Variants in TRIO observed in about 807,000 individuals in gnomAD.
TRIO encodes triple functional domain protein.
TRIO carries 58 observed loss-of-function variants against 351.9 expected under a neutral mutation model. The observed-to-expected ratio is 0.16, with a 90% CI of 0.13 to 0.21. TRIO has a LOEUF of 0.21. TRIO is among the 10% of genes least tolerant of loss of function. The pLI, the probability that TRIO is intolerant of heterozygous loss-of-function variation, is 1.00. For synonymous variants in TRIO, 1,758 were observed against 1,595.7 expected, an observed-to-expected ratio of 1.10 and a Z score of -2.42; for missense variants, 3,201 against 4,027.8, an observed-to-expected ratio of 0.79 and a Z score of 5.56.
intron 34 of TRIO, among the ~76,000 whole-genome samples, chr5:14,444,075 G>GAAC (rs1489994230): frequency 8.0e-6 from 1 of 125,360 alleles, no homozygotes; most frequent in Non-Finnish European, 1.6e-5. Flanking sequence ...GAATTCTCTT[G>GAAC]AAGTCTTTTT....
intron 33 of TRIO, among the ~76,000 whole-genome samples, chr5:14,411,725 C>T (rs1161967961): frequency 2.0e-5 from 3 of 151,816 alleles, no homozygotes; most frequent in Non-Finnish European, 1.5e-5. Flanking sequence ...CTTGCCTGGC[C>T]CCCCAGGTAG....
chr5:14,408,781 GTCAAGC>G (rs1315726727), intron 33 of TRIO, among the ~76,000 whole-genome samples: 5 of 151,996 alleles, frequency 3.3e-5, no homozygotes, highest in Admixed American at 6.6e-5. Flanking sequence ...TGAGATCACC[GTCAAGC>G]CCCAAATTCC....
intron 33 of TRIO, among the ~76,000 whole-genome samples, chr5:14,407,095 G>T (rs1289773222): frequency 6.6e-6 from 1 of 152,182 alleles, no homozygotes; most frequent in African/African-American, 2.4e-5. Flanking sequence ...TGGAAATAAA[G>T]AGTGTTGCTT....
chr5:14,485,833 A>C (rs1240052265), intron 47 of TRIO, among the ~76,000 whole-genome samples: 1 of 152,060 alleles, frequency 6.6e-6, no homozygotes, highest in Non-Finnish European at 1.5e-5. Flanking sequence ...TAAAAATACA[A>C]AAAAATTAGC....
intron 30 of TRIO, among the ~76,000 whole-genome samples, chr5:14,400,429 T>G (rs1747975629): frequency 6.6e-6 from 1 of 152,172 alleles, no homozygotes; most frequent in Non-Finnish European, 1.5e-5. Flanking sequence ...CTCTGCATGC[T>G]TCCATGTTCT....
At chr5:14,212,858 T>A (rs1242329845) in intron 1 of TRIO, among the ~76,000 whole-genome samples, 2 of 152,286 alleles carry the variant, frequency 1.3e-5, no homozygotes, top group East Asian at 3.9e-4. Flanking sequence ...ATAGTACTCA[T>A]ACTTGTTCAT....
intron 10 of TRIO, among the ~76,000 whole-genome samples, chr5:14,331,266 T>G (rs1486544938): frequency 1.3e-5 from 2 of 152,238 alleles, no homozygotes; most frequent in Non-Finnish European, 2.9e-5. Flanking sequence ...TTGCATTTCT[T>G]TAAATGTGTG....
chr5:14,500,099 G>C (rs1223424700), intron 53 of TRIO, among the ~76,000 whole-genome samples: 1 of 151,482 alleles, frequency 6.6e-6, no homozygotes, highest in Non-Finnish European at 1.5e-5. Context: ...ATGCAAATGG[G>C]AAAATAATCC....
Position 14,487,878 on chromosome 5 carries a change from G to A in TRIO, c.7250G>A (p.Ser2417Asn), listed in dbSNP as rs927883781. 5.2e-6 allele frequency: 8 copies of A among 1,540,296 alleles called. No homozygotes were observed. The East Asian group carries it at 7.5e-5, about 14-fold the overall frequency. Residue 2417 changes from serine (S) to asparagine (N), a missense_variant, in exon 48 of 57, where the codon AGC becomes AAC. Around this residue, in one of 19 missense-constraint regions of TRIO, gnomAD observed 1,089 missense variants for 954.9 expected, o/e 1.14. Coordinates refer to ENST00000344204, the MANE Select transcript of TRIO (RefSeq NM_007118.4). ...ATCCCCAAGATGAAGGTGCTGGAGA[G>A]CCCCAGGAAAGGCGCCGCGAACGCC... ...EPIPKMKVLE[S>N]PRKGAANASG...
chr5:14,306,056 A>G (rs533095935), intron 8 of TRIO, among the ~76,000 whole-genome samples: 1 of 152,086 alleles, frequency 6.6e-6, no homozygotes, highest in East Asian at 1.9e-4. Flanking sequence ...ATGTTCACAC[A>G]AGGACGAAAT....
chr5:14,481,765 TA>T, intron 45 of TRIO, 147 bp downstream of exon 45: 7 of 679,394 alleles, frequency 1.0e-5, no homozygotes, highest in Admixed American at 3.6e-5. Context: ...ATTGATATTT[TA>T]TTTCCTTTTT....
chr5:14,469,528 C>G (rs546112979), intron 37 of TRIO, among the ~76,000 whole-genome samples: 1 of 152,222 alleles, frequency 6.6e-6, no homozygotes, highest in Non-Finnish European at 1.5e-5. Context: ...AAAAAACAAC[C>G]AAACCCAGAG....
intron 8 of TRIO, among the ~76,000 whole-genome samples, chr5:14,311,559 C>T (rs1054572620): frequency 1.5e-4 from 23 of 152,222 alleles, no homozygotes; most frequent in African/African-American, 5.3e-4. Context: ...ATTGGAACCT[C>T]CTTACTCAGA....
chr5:14,195,553 C>T (rs1435148580), intron 1 of TRIO, among the ~76,000 whole-genome samples: 2 of 152,190 alleles, frequency 1.3e-5, no homozygotes, highest in Non-Finnish European at 2.9e-5. Context: ...TATTCCTCAT[C>T]ACACTTTTAC....
intron 41 of TRIO, among the ~76,000 whole-genome samples, chr5:14,478,869 G>A (rs32528): frequency 0.45 from 67,743 of 151,996 alleles, 17,854 homozygotes; most frequent in East Asian, 0.67. Context: ...GCTGAGGTAG[G>A]AGGATCGCTT....
At chr5:14,399,736 C>T (rs1253629481) in intron 30 of TRIO, among the ~76,000 whole-genome samples, 1 of 152,204 alleles carries the variant, frequency 6.6e-6, no homozygotes, top group Non-Finnish European at 1.5e-5. Context: ...CCTTACCAGC[C>T]TCCCCAAGGG....
intron 34 of TRIO, among the ~76,000 whole-genome samples, chr5:14,435,770 G>A (rs186514986): frequency 1.9e-3 from 297 of 152,324 alleles, no homozygotes; most frequent in Middle Eastern, 6.8e-3. Context: ...GCTATCAGGA[G>A]CCCTGTCTGT....
intron 1 of TRIO, among the ~76,000 whole-genome samples, chr5:14,189,721 G>A (rs1285407596): frequency 6.7e-6 from 1 of 150,158 alleles, no homozygotes; most frequent in South Asian, 2.1e-4. Flanking sequence ...GAATGTCTTC[G>A]TTTTAACTTT....
intron 11 of TRIO, among the ~76,000 whole-genome samples, chr5:14,346,582 G>A (rs1742436899): frequency 6.6e-6 from 1 of 152,212 alleles, no homozygotes; most frequent in Non-Finnish European, 1.5e-5. Flanking sequence ...GTTAATCCTA[G>A]GCAGAGTTCT....
Sources: gnomAD v4.1 joint callset for allele counts (sites outside exome capture counted in the v4.1 genomes callset) on GRCh38, gnomAD v4.1.1 for gene constraint, gnomAD v4.1.1 regional missense constraint, MANE v1.5 for transcripts, NCBI Gene and HGNC (gene_info 2026-07-23, HGNC 2026-07-21) for gene names.